The following MICAL2 variants were observed in gnomAD, a reference collection of about 807,000 sequenced individuals.
MICAL2 encodes the protein [F-actin]-monooxygenase MICAL2.
A neutral mutation model predicts 127.3 loss-of-function variants in MICAL2; 77 were observed. That is an observed-to-expected ratio of 0.60 (90% confidence interval 0.50 to 0.73). The LOEUF (loss-of-function observed/expected upper bound fraction) is 0.73. MICAL2 is among the 30% of genes least tolerant of loss of function. The pLI is 0.00. For missense variants in MICAL2, 1,351 were observed against 1,434.4 expected (o/e 0.94, Z 0.94); for synonymous variants, 570 against 551.1 (o/e 1.03, Z -0.48).
chr11:12,142,177 T>G (rs112905911), intron 2 of MICAL2, among the ~76,000 whole-genome samples: 1 of 152,204 alleles, frequency 6.6e-6, no homozygotes, highest in Admixed American at 6.5e-5. Context: ...CTTGAATGTC[T>G]AAGGTGTTAG....
At chr11:12,284,962 G>T (rs1209834642) in intron 2 of MICAL2, among the ~76,000 whole-genome samples, 1 of 152,212 alleles carries the variant, frequency 6.6e-6, no homozygotes, top group African/African-American at 2.4e-5. Flanking sequence ...CAAGACAGGG[G>T]AATTGCGATA....
At chr11:12,332,001 A>G (rs923010550) in intron 32 of MICAL2, among the ~76,000 whole-genome samples, 10 of 152,144 alleles carry the variant, frequency 6.6e-5, no homozygotes, top group African/African-American at 1.9e-4. Context: ...TAATACATGA[A>G]TTTTGCATGC....
downstream of MICAL2, chr11:12,293,447 A>G (rs1863929216): frequency 1.5e-6 from 2 of 1,310,180 alleles, no homozygotes; most frequent in Admixed American, 4.7e-5. Flanking sequence ...TAATTTGGGC[A>G]TCTGAGATGG....
At chr11:12,227,183 A>T in intron 15 of MICAL2, 52 bp downstream of exon 15, 1 of 1,290,492 alleles carries the variant, frequency 7.7e-7, no homozygotes, top group Non-Finnish European at 1.1e-6. Context: ...TGGACGGGGT[A>T]TGAGGAACGG....
At chr11:12,353,791 T>C (rs1260054090) in intron 33 of MICAL2, among the ~76,000 whole-genome samples, 2 of 152,100 alleles carry the variant, frequency 1.3e-5, no homozygotes, top group African/African-American at 4.8e-5. Context: ...TCTTTCCACC[T>C]CTCCTACAGC....
At chr11:12,306,129 A>G (rs576772919) in intron 29 of MICAL2, among the ~76,000 whole-genome samples, 3 of 152,346 alleles carry the variant, frequency 2.0e-5, no homozygotes, top group South Asian at 2.1e-4. Flanking sequence ...GAACACATAC[A>G]TGTAATAGGA....
chr11:12,274,384 A>G (rs914359088), upstream of MICAL2: 1 of 152,252 alleles, frequency 6.6e-6, no homozygotes, highest in Middle Eastern at 3.2e-3. Context: ...ATCACTGCTT[A>G]CATTCTAGTC....
intron 16 of MICAL2, among the ~76,000 whole-genome samples, chr11:12,238,548 T>C (rs992013712): frequency 6.6e-6 from 1 of 152,174 alleles, no homozygotes. Flanking sequence ...GGCTTTCTAT[T>C]AAACAGCTGC....
At chr11:12,200,208 A>T (rs913363678) in intron 3 of MICAL2, among the ~76,000 whole-genome samples, 4 of 152,200 alleles carry the variant, frequency 2.6e-5, no homozygotes, top group African/African-American at 9.6e-5. Flanking sequence ...TGACCCGCAG[A>T]GCTGGTTCTG....
intron 2 of MICAL2, among the ~76,000 whole-genome samples, chr11:12,146,133 A>G (rs1852875466): frequency 6.6e-6 from 1 of 152,198 alleles, no homozygotes; most frequent in Non-Finnish European, 1.5e-5. Flanking sequence ...CCTAGGCAAT[A>G]CCATTCAGGA....
chr11:12,340,591 C>T (rs889429900), intron 32 of MICAL2, among the ~76,000 whole-genome samples: 6 of 152,286 alleles, frequency 3.9e-5, no homozygotes, highest in African/African-American at 1.4e-4. Context: ...CAAGAATGCT[C>T]ATAACAGCAT....
At chr11:12,173,858 T>A (rs1410665456) in intron 3 of MICAL2, among the ~76,000 whole-genome samples, 2 of 152,222 alleles carry the variant, frequency 1.3e-5, no homozygotes, top group Non-Finnish European at 2.9e-5. Context: ...CATGGTAGCA[T>A]GTGTTGGAAT....
chr11:12,261,272 G>A (rs1020505418), intron 26 of MICAL2: 1 of 985,508 alleles, frequency 1.0e-6, no homozygotes. Context: ...ATTTCACACT[G>A]CCCTGGGAAA....
intron 1 of MICAL2, among the ~76,000 whole-genome samples, chr11:12,124,659 A>C (rs1850770572): frequency 6.6e-6 from 1 of 152,178 alleles, no homozygotes. Context: ...CTTTTTAAAA[A>C]ACAAAACAAA....
At chr11:12,177,433 C>T (rs1856957154) in intron 3 of MICAL2, among the ~76,000 whole-genome samples, 1 of 152,156 alleles carries the variant, frequency 6.6e-6, no homozygotes, top group African/African-American at 2.4e-5. Flanking sequence ...AATATTTTCT[C>T]TCATTCTGTG....
intron 32 of MICAL2, among the ~76,000 whole-genome samples, chr11:12,344,298 AAAAAC>A (rs1186987768): frequency 2.6e-5 from 4 of 152,050 alleles, no homozygotes; most frequent in Non-Finnish European, 4.4e-5. Flanking sequence ...TCGGTCTCAA[AAAAAC>A]AAAACAAAAC....
rs114981911 is a variant in MICAL2 at position 12,326,506 on chromosome 11, T to G, written c.5422-667T>G. Among the ~76,000 whole-genome samples the G allele has an allele frequency of 4.0e-3, 611 of 152,304 alleles. 5 individuals carry two copies. The highest frequency in any genetic ancestry group is 0.014 in the African/African-American group (569 of 41,556). Reference sequence around the variant, plus strand: ...TAATGAACCTAAGGAGAGTATGATGTCATCCCCTAACAAGTTAAACATCTT... The same window carrying G: ...TAATGAACCTAAGGAGAGTATGATGGCATCCCCTAACAAGTTAAACATCTT... On this transcript the variant is annotated intron_variant, in intron 31 of 34. Transcript: ENST00000646065.
intron 1 of MICAL2, chr11:12,280,908 C>G: frequency 2.5e-6 from 1 of 399,004 alleles, no homozygotes; most frequent in Non-Finnish European, 4.4e-6. Flanking sequence ...CCCTGACTCA[C>G]CCACCCACTC....
intron 13 of MICAL2, among the ~76,000 whole-genome samples, chr11:12,225,081 C>A (rs543002669): frequency 2.8e-5 from 4 of 142,850 alleles, no homozygotes; most frequent in Non-Finnish European, 5.9e-5. Context: ...ACCCTTCCCC[C>A]CCGAGCCCCA....
Sources: allele counts gnomAD v4.1 joint callset (sites outside exome capture counted in the v4.1 genomes callset), GRCh38; gene constraint gnomAD v4.1.1; transcripts MANE v1.5; gene names NCBI Gene and HGNC (gene_info 2026-07-23, HGNC 2026-07-21).